GALNT13: variants seen among roughly 807,000 people sequenced by gnomAD.
GALNT13 encodes UDP-GalNAc:polypeptide N-acetylgalactosaminyltransferase 13.
In GALNT13, 28 loss-of-function variants were observed where a neutral mutation model predicts 64.2. That is an observed-to-expected ratio of 0.44 (90% CI 0.32 to 0.60). The LOEUF (loss-of-function observed/expected upper bound fraction) is 0.60. Ranked by LOEUF, GALNT13 falls within the 20% of genes least tolerant of loss-of-function variation. The probability of loss-of-function intolerance (pLI) is 0.05; values close to 1 mark genes in which losing one functional copy is unlikely to be tolerated. For synonymous variants in GALNT13, 214 were observed against 224.6 expected, an observed-to-expected ratio of 0.95 and a Z score of 0.42; for missense variants, 577 against 669.8, an observed-to-expected ratio of 0.86 and a Z score of 1.53.
chr2:153,882,998 A>G (rs1291235862), intron 1 of GALNT13, among the ~76,000 whole-genome samples: 1 of 143,436 alleles, frequency 7.0e-6, no homozygotes, highest in Non-Finnish European at 1.5e-5. Flanking sequence ...TTTGCAAGAA[A>G]CACACAGAGG....
chr2:153,344,528 G>T, the GALNT13 span, among the ~76,000 whole-genome samples: 1 of 152,110 alleles, frequency 6.6e-6, no homozygotes, highest in Non-Finnish European at 1.5e-5. Context: ...GCCTCATTCT[G>T]TCACCAGGCT....
At chr2:154,187,677 A>C (rs1686332453) in intron 4 of GALNT13, among the ~76,000 whole-genome samples, 1 of 152,150 alleles carries the variant, frequency 6.6e-6, no homozygotes, top group Admixed American at 6.6e-5. Context: ...ATGTGAGCTC[A>C]AAACTGGATG....
At chr2:153,951,837 G>A (rs1294245904) in intron 3 of GALNT13, among the ~76,000 whole-genome samples, 1 of 151,968 alleles carries the variant, frequency 6.6e-6, no homozygotes, top group Non-Finnish European at 1.5e-5. Flanking sequence ...TGAAGTTTAT[G>A]GACTGTAATG....
At chr2:153,094,519 C>A in the GALNT13 span, among the ~76,000 whole-genome samples, 1 of 152,118 alleles carries the variant, frequency 6.6e-6, no homozygotes, top group Non-Finnish European at 1.5e-5. Flanking sequence ...ACTTTCTTCA[C>A]AGAATTGGAA....
the GALNT13 span, among the ~76,000 whole-genome samples, chr2:153,469,175 T>C: frequency 6.6e-6 from 1 of 152,242 alleles, no homozygotes; most frequent in African/African-American, 2.4e-5. Context: ...TGTGTACAAG[T>C]GTGCCTTAGA....
chr2:154,181,436 T>C (rs1353095280), intron 4 of GALNT13, among the ~76,000 whole-genome samples: 1 of 152,162 alleles, frequency 6.6e-6, no homozygotes, highest in Admixed American at 6.6e-5. Flanking sequence ...TTTTTCTCTC[T>C]GGCAGGTAAT....
chr2:154,341,239 T>C (rs1695752626), intron 9 of GALNT13, among the ~76,000 whole-genome samples: 1 of 152,080 alleles, frequency 6.6e-6, no homozygotes, highest in Non-Finnish European at 1.5e-5. Context: ...CCAGCAAATA[T>C]ATTTTAAATT....
the GALNT13 span, among the ~76,000 whole-genome samples, chr2:153,606,580 C>A: frequency 6.6e-6 from 1 of 152,008 alleles, no homozygotes; most frequent in African/African-American, 2.4e-5. Flanking sequence ...CCCAGGGAGG[C>A]CAAAAGATTG....
At chr2:154,324,571 A>C (rs1364134507) in intron 9 of GALNT13, among the ~76,000 whole-genome samples, 3 of 152,232 alleles carry the variant, frequency 2.0e-5, no homozygotes, top group South Asian at 2.1e-4. Context: ...TGAGGAGTCC[A>C]TGGTTTTCCT....
At chr2:153,085,895 C>T in the GALNT13 span, among the ~76,000 whole-genome samples, 16 of 152,194 alleles carry the variant, frequency 1.1e-4, no homozygotes, top group Non-Finnish European at 1.6e-4. Context: ...CAATGCCAGC[C>T]TGTGAAAGCA....
intron 3 of GALNT13, among the ~76,000 whole-genome samples, chr2:154,118,105 G>A (rs13405012): frequency 0.05 from 7,652 of 152,098 alleles, 374 homozygotes; most frequent in African/African-American, 0.13. Context: ...ATTGAAAGTA[G>A]GGCATTGAAG....
At chr2:153,821,725 A>G in the GALNT13 span, among the ~76,000 whole-genome samples, 1 of 152,310 alleles carries the variant, frequency 6.6e-6, no homozygotes, top group Non-Finnish European at 1.5e-5. Flanking sequence ...AAAACAAATA[A>G]CTAAAATCAG....
intron 3 of GALNT13, among the ~76,000 whole-genome samples, chr2:154,133,397 A>G (rs1251342167): frequency 6.6e-6 from 1 of 151,690 alleles, no homozygotes; most frequent in Admixed American, 6.6e-5. Flanking sequence ...TAGTGTCCAC[A>G]CATTTTCATT....
intron 4 of GALNT13, among the ~76,000 whole-genome samples, chr2:154,162,735 CA>C (rs1684807035): frequency 6.6e-6 from 1 of 152,044 alleles, no homozygotes; most frequent in Non-Finnish European, 1.5e-5. Context: ...AAATAGCAAC[CA>C]AAAATATTTG....
chr2:153,257,582 CTT>C, the GALNT13 span, among the ~76,000 whole-genome samples: 1 of 152,132 alleles, frequency 6.6e-6, no homozygotes, highest in African/African-American at 2.4e-5. Flanking sequence ...TCTTTTCTGA[CTT>C]TTCCCTTAAA....
chr2:153,191,351 C>T, the GALNT13 span, among the ~76,000 whole-genome samples: 25,277 of 151,874 alleles, frequency 0.17, 2,244 homozygotes, highest in African/African-American at 0.19. Flanking sequence ...CTCTATTATG[C>T]GCTGCATGGT....
chr2:153,603,678 T>G, the GALNT13 span, among the ~76,000 whole-genome samples: 1 of 152,006 alleles, frequency 6.6e-6, no homozygotes, highest in Non-Finnish European at 1.5e-5. Flanking sequence ...ATGTGTCTTT[T>G]GTTATATTTT....
At chr2:153,082,494 G>A in the GALNT13 span, among the ~76,000 whole-genome samples, 5 of 147,324 alleles carry the variant, frequency 3.4e-5, no homozygotes, top group African/African-American at 1.3e-4. Context: ...ATTGCTTTTT[G>A]TGGGTGAGTA....
intron 4 of GALNT13, among the ~76,000 whole-genome samples, chr2:154,165,042 C>T (rs1684950746): frequency 6.6e-6 from 1 of 152,004 alleles, no homozygotes; most frequent in Admixed American, 6.6e-5. Context: ...AACTCTAACA[C>T]AAAATGAAAA....
Sources: gnomAD v4.1 joint callset for allele counts (sites outside exome capture counted in the v4.1 genomes callset) on GRCh38, gnomAD v4.1.1 for gene constraint, MANE v1.5 for transcripts, NCBI Gene and HGNC (gene_info 2026-07-23, HGNC 2026-07-21) for gene names.